NBAS: variants seen among roughly 807,000 people sequenced by gnomAD.
NBAS encodes NBAS subunit of NRZ tethering complex.
NBAS carries 219 observed loss-of-function variants against 302.5 expected under a neutral mutation model. The ratio of observed to expected loss-of-function variants is 0.72; its 90% CI spans 0.65 to 0.81. The LOEUF is 0.81. Ranked by LOEUF, NBAS falls within the 30% of genes least tolerant of loss-of-function variation. NBAS has a pLI of 0.00. For missense variants in NBAS, 2,932 were observed against 2,841.6 expected (o/e 1.03, Z -0.72); for synonymous variants, 1,118 against 1,021.6 (o/e 1.09, Z -1.80).
the NBAS span, among the ~76,000 whole-genome samples, chr2:14,902,436 C>T: frequency 2.6e-5 from 4 of 152,132 alleles, no homozygotes; most frequent in African/African-American, 9.7e-5. Flanking sequence ...CTGGCCTAAT[C>T]CTCACATTTT....
intron 51 of NBAS, among the ~76,000 whole-genome samples, chr2:15,169,353 C>T (rs993340031): frequency 3.3e-5 from 5 of 152,166 alleles, no homozygotes; most frequent in South Asian, 2.1e-4. Flanking sequence ...GGAAGGGGCA[C>T]GGAGCTTTGA....
the NBAS span, among the ~76,000 whole-genome samples, chr2:15,064,184 C>A: frequency 6.7e-6 from 1 of 148,952 alleles, no homozygotes; most frequent in Non-Finnish European, 1.5e-5. Flanking sequence ...AAGATTAGAA[C>A]AGAAATAAAT....
chr2:15,276,296 AATT>A (rs931570250), intron 43 of NBAS, among the ~76,000 whole-genome samples: 3 of 152,170 alleles, frequency 2.0e-5, no homozygotes, highest in Non-Finnish European at 4.4e-5. Context: ...GAACTCTCAC[AATT>A]ATTATGAATA....
the NBAS span, among the ~76,000 whole-genome samples, chr2:14,867,606 T>C: frequency 1.3e-5 from 2 of 152,156 alleles, no homozygotes; most frequent in African/African-American, 4.8e-5. Context: ...AACTGAAAAG[T>C]GGATGAATGT....
intron 23 of NBAS, among the ~76,000 whole-genome samples, chr2:15,423,425 T>C (rs1353438101): frequency 6.6e-6 from 1 of 152,182 alleles, no homozygotes; most frequent in Non-Finnish European, 1.5e-5. Context: ...AAGAAATCTA[T>C]CATGTGGAAG....
chr2:15,296,884 G>A (rs1000142295), intron 40 of NBAS, among the ~76,000 whole-genome samples: 5 of 151,918 alleles, frequency 3.3e-5, no homozygotes, highest in Admixed American at 6.6e-5. Flanking sequence ...AGAATTTCAG[G>A]CCACAAATTA....
the NBAS span, among the ~76,000 whole-genome samples, chr2:14,835,492 G>C: frequency 6.6e-6 from 1 of 151,788 alleles, no homozygotes; most frequent in Non-Finnish European, 1.5e-5. Context: ...CTACTATCTT[G>C]ATTTTATGGT....
intron 44 of NBAS, among the ~76,000 whole-genome samples, chr2:15,260,949 T>C (rs1427189076): frequency 6.6e-6 from 1 of 152,222 alleles, no homozygotes; most frequent in African/African-American, 2.4e-5. Flanking sequence ...TCTGTTTTGC[T>C]TGTGTGTCTT....
chr2:15,474,154 T>C lies in NBAS; in HGVS notation c.1512A>G (p.Pro504=), dbSNP rs149187532. Residue 504 remains proline (P), a synonymous_variant, in exon 15 of 52, where the codon CCA becomes CCG. Coordinates refer to ENST00000281513, the MANE Select transcript of NBAS (RefSeq NM_015909.4). ...YLVTEMERFA[P]PRKRPRTITK... ...TAATGGTTCGTGGGCGTTTCCGTGG[T>C]GGTGCAAATCGCTCCATTTCAGTCA... 7.2e-5 allele frequency: 116 copies of C among 1,614,144 alleles called. No homozygotes were observed. The African/African-American group carries it at 1.1e-3, about 15-fold the overall frequency.
intron 12 of NBAS, among the ~76,000 whole-genome samples, chr2:15,482,291 ATT>A (rs901297276): frequency 2.6e-5 from 4 of 151,636 alleles, no homozygotes; most frequent in African/African-American, 9.7e-5. Context: ...CCACTTTTTT[ATT>A]TTTTGTAGAG....
chr2:14,913,809 A>C, the NBAS span, among the ~76,000 whole-genome samples: 1 of 152,214 alleles, frequency 6.6e-6, no homozygotes, highest in African/African-American at 2.4e-5. Flanking sequence ...AGCAGTGTTT[A>C]GAAGAAAGAC....
chr2:15,476,821 C>T (rs13399854), intron 13 of NBAS, among the ~76,000 whole-genome samples: 1 of 152,118 alleles, frequency 6.6e-6, no homozygotes, highest in East Asian at 1.9e-4. Flanking sequence ...TTGAATATCA[C>T]CTGTTATACA....
At chr2:14,872,651 A>G in the NBAS span, among the ~76,000 whole-genome samples, 1 of 152,080 alleles carries the variant, frequency 6.6e-6, no homozygotes, top group Non-Finnish European at 1.5e-5. Context: ...CAGCACTTAA[A>G]GGCAGCACTT....
At chr2:14,983,737 G>A in the NBAS span, among the ~76,000 whole-genome samples, 43 of 152,328 alleles carry the variant, frequency 2.8e-4, no homozygotes, top group Middle Eastern at 3.4e-3. Context: ...AGGGATAGAA[G>A]AAAGTACTCC....
At chr2:15,090,015 T>C in the NBAS span, among the ~76,000 whole-genome samples, 1 of 152,170 alleles carries the variant, frequency 6.6e-6, no homozygotes, top group Non-Finnish European at 1.5e-5. Context: ...CCCAAAGTGC[T>C]GGGATTGCAG....
At chr2:15,038,757 G>A in the NBAS span, among the ~76,000 whole-genome samples, 1 of 152,174 alleles carries the variant, frequency 6.6e-6, no homozygotes, top group Admixed American at 6.5e-5. Flanking sequence ...ATCTCCCACT[G>A]AATTCACTCG....
chr2:14,944,822 T>C, the NBAS span, among the ~76,000 whole-genome samples: 1 of 151,832 alleles, frequency 6.6e-6, no homozygotes, highest in Non-Finnish European at 1.5e-5. Flanking sequence ...CAGCACCAAG[T>C]GAGCAGAAAA....
At chr2:14,858,961 C>A in the NBAS span, among the ~76,000 whole-genome samples, 2 of 151,686 alleles carry the variant, frequency 1.3e-5, no homozygotes, top group Non-Finnish European at 2.9e-5. Context: ...TACCATGTAC[C>A]CACAAAAATT....
the NBAS span, among the ~76,000 whole-genome samples, chr2:14,937,402 A>G: frequency 6.6e-6 from 1 of 152,168 alleles, no homozygotes; most frequent in Non-Finnish European, 1.5e-5. Flanking sequence ...GATAGGCAGC[A>G]GAAGACAACA....
Sources: gnomAD v4.1 joint callset for allele counts (sites outside exome capture counted in the v4.1 genomes callset) on GRCh38, gnomAD v4.1.1 for gene constraint, MANE v1.5 for transcripts, NCBI Gene and HGNC (gene_info 2026-07-23, HGNC 2026-07-21) for gene names.